The following NGLY1 variants were observed in gnomAD, a reference collection of about 807,000 sequenced individuals.
NGLY1 encodes the protein peptide-N(4)-(N-acetyl-beta-glucosaminyl)asparagine amidase.
A neutral mutation model predicts 84.6 loss-of-function variants in NGLY1; 68 were observed. The observed-to-expected ratio is 0.80, with a 90% CI of 0.66 to 0.98. NGLY1 has a LOEUF of 0.98. Among genes scored for constraint, NGLY1 ranks in the 50% least tolerant of loss-of-function variants. NGLY1 has a pLI of 0.00. For synonymous variants in NGLY1, 280 were observed against 275.2 expected, an observed-to-expected ratio of 1.02 and a Z score of -0.17; for missense variants, 779 against 770.2, an observed-to-expected ratio of 1.01 and a Z score of -0.14.
chr3:25,756,569 AT>A (rs2125528030), intron 3 of NGLY1, among the ~76,000 whole-genome samples: 1 of 152,286 alleles, frequency 6.6e-6, no homozygotes, highest in African/African-American at 2.4e-5. Flanking sequence ...TTTAACAGAG[AT>A]GCTATAGGTT....
intron 3 of NGLY1, among the ~76,000 whole-genome samples, chr3:25,762,687 G>A (rs2968167): frequency 1.3e-5 from 2 of 152,032 alleles, no homozygotes; most frequent in South Asian, 2.1e-4. Context: ...GTGTGGTGGT[G>A]CACATCTGTA....
chr3:25,737,146 T>C, intron 6 of NGLY1, 188 bp downstream of exon 6: 1 of 513,384 alleles, frequency 1.9e-6, no homozygotes, highest in Non-Finnish European at 3.4e-6. Flanking sequence ...GTGCTAGGTG[T>C]TTTACAAAAC....
At chr3:25,768,460 G>T (rs1707725603) in intron 2 of NGLY1, among the ~76,000 whole-genome samples, 1 of 149,730 alleles carries the variant, frequency 6.7e-6, no homozygotes, top group Non-Finnish European at 1.5e-5. Context: ...AGACTTAAGT[G>T]TAAGACCTTA....
At chr3:25,762,114 T>C (rs1172784398) in intron 3 of NGLY1, among the ~76,000 whole-genome samples, 1 of 152,170 alleles carries the variant, frequency 6.6e-6, no homozygotes, top group Admixed American at 6.5e-5. Context: ...GACTATCATC[T>C]TAACTTATAC....
In NGLY1 at chr3:25,778,706, T is replaced by A. The variant is rs1363619676; in HGVS notation, c.132-18A>T. 1 of 1,469,574 alleles carries A rather than the reference T, an allele frequency of 6.8e-7. No homozygotes were observed. The highest frequency in any genetic ancestry group is 1.4e-5 in the African/African-American group (1 of 70,672). 91.0% of individuals were successfully genotyped at this position (1,469,574 alleles called of 1,614,324 possible). ...TAGGGTTTCTGACAAAAAACAAAAG[T>A]TTGATTATATATAAAAAAAACCAGG... On this transcript the variant is annotated intron_variant, in intron 1 of 11. Transcript: ENST00000280700.
intron 2 of NGLY1, among the ~76,000 whole-genome samples, chr3:25,771,394 T>A (rs561017253): frequency 1.4e-3 from 209 of 152,310 alleles, no homozygotes; most frequent in Non-Finnish European, 1.5e-3. Flanking sequence ...ATTCTATTGG[T>A]TTATGTGCCT....
At chr3:25,749,538 CAAG>C (rs1706617847) in intron 4 of NGLY1, 9 of 1,583,360 alleles carry the variant, frequency 5.7e-6, no homozygotes, top group Non-Finnish European at 6.9e-6. Flanking sequence ...AAAAGAGAAC[CAAG>C]AAGTTCATCC....
chr3:25,743,911 G>T (rs944779136), intron 4 of NGLY1, among the ~76,000 whole-genome samples: 1 of 152,124 alleles, frequency 6.6e-6, no homozygotes, highest in Non-Finnish European at 1.5e-5. Context: ...GGGGCTCAGA[G>T]AAATAAAAGT....
intron 9 of NGLY1, chr3:25,729,851 T>C (rs912889680): frequency 4.6e-5 from 7 of 152,234 alleles, no homozygotes; most frequent in African/African-American, 1.7e-4. Flanking sequence ...TCTGTTACTC[T>C]TCCCTTTCAT....
intron 4 of NGLY1, among the ~76,000 whole-genome samples, chr3:25,741,592 TA>T (rs1301157715): frequency 2.0e-5 from 3 of 151,952 alleles, no homozygotes; most frequent in East Asian, 1.9e-4. Flanking sequence ...AAATCAATAA[TA>T]AAAAAATTAA....
chr3:25,744,334 A>G (rs1706310210), intron 4 of NGLY1, among the ~76,000 whole-genome samples: 1 of 152,282 alleles, frequency 6.6e-6, no homozygotes, highest in African/African-American at 2.4e-5. Context: ...ATCATGACAA[A>G]CCTTCAGTCT....
At chr3:25,773,180 G>A (rs1286088093) in intron 2 of NGLY1, among the ~76,000 whole-genome samples, 1 of 151,424 alleles carries the variant, frequency 6.6e-6, no homozygotes, top group Non-Finnish European at 1.5e-5. Flanking sequence ...TAGATCTCTA[G>A]GAAGGCCAGA....
intron 1 of NGLY1, among the ~76,000 whole-genome samples, chr3:25,788,874 T>C (rs189854618): frequency 2.6e-5 from 4 of 152,328 alleles, no homozygotes; most frequent in Admixed American, 2.6e-4. Flanking sequence ...AAAATAGATT[T>C]CCAAACTCAT....
At chr3:25,766,678 A>ATG (rs1707594079) in intron 2 of NGLY1, among the ~76,000 whole-genome samples, 1 of 152,200 alleles carries the variant, frequency 6.6e-6, no homozygotes, top group African/African-American at 2.4e-5. Context: ...CTGGTTTAAA[A>ATG]CCAAATATGA....
intron 2 of NGLY1, among the ~76,000 whole-genome samples, chr3:25,776,061 A>G (rs1031874388): frequency 2.6e-5 from 4 of 152,208 alleles, no homozygotes; most frequent in Admixed American, 6.5e-5. Flanking sequence ...GTGATGTCTA[A>G]AGCCGAACAG....
At chr3:25,747,835 A>G (rs1193314804) in intron 4 of NGLY1, among the ~76,000 whole-genome samples, 2 of 152,206 alleles carry the variant, frequency 1.3e-5, no homozygotes, top group Non-Finnish European at 2.9e-5. Flanking sequence ...TTAAATAGCA[A>G]TTTTGACAAA....
In NGLY1 at chr3:25,729,268, C is replaced by A; in HGVS notation, c.1476G>T (p.Gln492His). The change falls in exon 10 of 12, where the codon CAG (glutamine) becomes CAT (histidine). Residue 492 changes from glutamine to histidine, a missense_variant. Physicochemically the swap from Gln to His is conservative, Grantham distance 24. Coordinates refer to ENST00000280700, the MANE Select transcript of NGLY1 (RefSeq NM_018297.4). ...IPCENEKISK[Q>H]LHLCYNIVKD... ...TCACAATATTGTAACAAAGGTGGAGCTGTTTAGAAATCTTCTCATTTTCAC... is the reference window on the plus strand; with the variant it reads ...TCACAATATTGTAACAAAGGTGGAGATGTTTAGAAATCTTCTCATTTTCAC... The A allele has an allele frequency of 6.5e-7, 1 of 1,528,408 alleles. No homozygotes were observed. Among genetic ancestry groups the A allele is most frequent in the Non-Finnish European group, 8.8e-7 (1 of 1,131,658 alleles). The allele number at this position is 1,528,408 out of a possible 1,614,324, so 94.7% of individuals were successfully genotyped here. A position where few individuals can be genotyped will look rare whatever the true frequency, so the allele number is the denominator to read the frequency against.
intron 4 of NGLY1, among the ~76,000 whole-genome samples, chr3:25,742,476 T>G (rs1342960449): frequency 6.6e-6 from 1 of 152,156 alleles, no homozygotes; most frequent in Non-Finnish European, 1.5e-5. Flanking sequence ...CTTAAACTAT[T>G]TTTATAGATA....
chr3:25,786,617 A>G (rs539802893), upstream of NGLY1, among the ~76,000 whole-genome samples: 2 of 152,334 alleles, frequency 1.3e-5, no homozygotes, highest in Admixed American at 6.5e-5. Context: ...GTCCCTTTAT[A>G]TAATGGATTC....
Sources: allele counts gnomAD v4.1 joint callset (sites outside exome capture counted in the v4.1 genomes callset), GRCh38; gene constraint gnomAD v4.1.1; transcripts MANE v1.5; gene names NCBI Gene and HGNC (gene_info 2026-07-23, HGNC 2026-07-21).